Variants in GPC5 observed in about 807,000 individuals in gnomAD.
GPC5 encodes glypican 5.
GPC5 carries 47 observed loss-of-function variants against 53.9 expected under a neutral mutation model. That is an observed-to-expected ratio of 0.87 (90% CI 0.69 to 1.11). The LOEUF (loss-of-function observed/expected upper bound fraction) is 1.11. Among genes scored for constraint, GPC5 ranks in the 50% most tolerant of loss-of-function variants. GPC5 has a pLI of 0.00. For synonymous variants in GPC5, 286 were observed against 263.3 expected, an observed-to-expected ratio of 1.09 and a Z score of -0.84; for missense variants, 748 against 713.1, an observed-to-expected ratio of 1.05 and a Z score of -0.56.
At chr13:91,718,835 C>T (rs1002806877) in intron 3 of GPC5, among the ~76,000 whole-genome samples, 1 of 152,208 alleles carries the variant, frequency 6.6e-6, no homozygotes, top group African/African-American at 2.4e-5. Context: ...TGGCTTATAG[C>T]ATTTCTTTGG....
intron 7 of GPC5, among the ~76,000 whole-genome samples, chr13:92,856,343 C>A (rs1461318559): frequency 4.0e-5 from 6 of 151,848 alleles, no homozygotes; most frequent in Non-Finnish European, 5.9e-5. Flanking sequence ...AAGGAAAATA[C>A]CTGTAAAGAA....
intron 7 of GPC5, among the ~76,000 whole-genome samples, chr13:92,632,666 T>G (rs1348884374): frequency 1.3e-5 from 2 of 151,972 alleles, no homozygotes; most frequent in Non-Finnish European, 2.9e-5. Flanking sequence ...TTAGTTTTGT[T>G]TTTCAAATAT....
intron 7 of GPC5, among the ~76,000 whole-genome samples, chr13:92,481,531 C>G (rs1250086641): frequency 3.3e-5 from 5 of 152,146 alleles, no homozygotes; most frequent in Non-Finnish European, 5.9e-5. Context: ...ATCCGGAAAG[C>G]AAAACCCTTC....
At chr13:92,294,826 C>CTTTTTTTT (rs147963724) in intron 7 of GPC5, among the ~76,000 whole-genome samples, 1 of 98,998 alleles carries the variant, frequency 1.0e-5, no homozygotes. Context: ...TTTTTTTTTT[C>CTTTTTTTT]TTTTTTTTTT....
intron 2 of GPC5, among the ~76,000 whole-genome samples, chr13:91,623,563 T>C (rs4578517): frequency 0.92 from 139,219 of 152,126 alleles, 63,899 homozygotes; most frequent in East Asian, 1. Context: ...ATCTTATTTA[T>C]GGCTAGTAGA....
At position 92,813,067 on chromosome 13, in the gene GPC5, C is replaced by T. The variant is rs190757171; in HGVS notation, c.1562-53215C>T. ...ACTCCTATTTTAAATACCGGCCTTT[C>T]GAAGCTTATTTACATAATGGGAAAA... On this transcript the variant is annotated intron_variant, in intron 7 of 7. Coordinates refer to ENST00000377067, the MANE Select transcript of GPC5 (RefSeq NM_004466.6). Among the ~76,000 whole-genome samples, 106 of 151,932 alleles carry T rather than the reference C, an allele frequency of 7.0e-4. 2 individuals carry two copies. Among genetic ancestry groups the T allele is most frequent in the African/African-American group, 2.0e-3 (84 of 41,338 alleles).
chr13:92,841,250 A>T (rs1014744990), intron 7 of GPC5, among the ~76,000 whole-genome samples: 1 of 152,154 alleles, frequency 6.6e-6, no homozygotes, highest in Non-Finnish European at 1.5e-5. Context: ...CTTATTAAAC[A>T]AGACCCCAGA....
chr13:92,760,690 C>A lies in GPC5; in HGVS notation c.1562-105592C>A, dbSNP rs539298113. 4.6e-5 allele frequency among the ~76,000 whole-genome samples: 7 copies of A among 151,740 alleles called. No individual in the cohort carries two copies. The South Asian group carries it at 1.5e-3, about 32-fold the overall frequency. On this transcript the variant is annotated intron_variant, in intron 7 of 7. Coordinates refer to ENST00000377067, the MANE Select transcript of GPC5 (RefSeq NM_004466.6). The stretch of plus-strand genomic sequence containing the variant: ...TTCGATTTTTATTATTGCCTTCCCT[C>A]TGCTGACTTTGGGTTTAGTTTGATC...
At chr13:91,514,374 T>G (rs1885387422) in intron 2 of GPC5, among the ~76,000 whole-genome samples, 1 of 152,226 alleles carries the variant, frequency 6.6e-6, no homozygotes, top group Non-Finnish European at 1.5e-5. Context: ...GTGTTTAATT[T>G]GCATTTCCCT....
intron 6 of GPC5, among the ~76,000 whole-genome samples, chr13:91,984,544 A>G (rs1442856021): frequency 6.6e-6 from 1 of 152,224 alleles, no homozygotes; most frequent in Non-Finnish European, 1.5e-5. Flanking sequence ...TGTAACATAA[A>G]TATTGAATTT....
intron 5 of GPC5, among the ~76,000 whole-genome samples, chr13:91,774,285 C>T (rs954465769): frequency 6.6e-6 from 1 of 152,160 alleles, no homozygotes; most frequent in Non-Finnish European, 1.5e-5. Flanking sequence ...GCACAAATAA[C>T]TTGACATCTT....
intron 6 of GPC5, among the ~76,000 whole-genome samples, chr13:91,949,980 G>A (rs144407061): frequency 1.1e-3 from 175 of 152,268 alleles, no homozygotes; most frequent in African/African-American, 4.1e-3. Flanking sequence ...ACTAGGAGAA[G>A]AGCCTTTGTT....
chr13:91,614,026 A>G (rs1472310128), intron 2 of GPC5, among the ~76,000 whole-genome samples: 1 of 152,246 alleles, frequency 6.6e-6, no homozygotes, highest in African/African-American at 2.4e-5. Flanking sequence ...GTGGATATCG[A>G]ATACCATATG....
chr13:92,005,386 C>T (rs1024803110), intron 6 of GPC5, among the ~76,000 whole-genome samples: 2 of 152,132 alleles, frequency 1.3e-5, no homozygotes, highest in Non-Finnish European at 2.9e-5. Flanking sequence ...TTTCTCCTCC[C>T]GTTTGGCTAC....
intron 6 of GPC5, among the ~76,000 whole-genome samples, chr13:92,091,934 T>G (rs2041384434): frequency 1.3e-5 from 2 of 152,234 alleles, no homozygotes; most frequent in Admixed American, 1.3e-4. Flanking sequence ...GATTTGCTTT[T>G]TTACTTTCAT....
At chr13:92,556,447 G>A (rs1882496772) in intron 7 of GPC5, among the ~76,000 whole-genome samples, 1 of 151,498 alleles carries the variant, frequency 6.6e-6, no homozygotes, top group African/African-American at 2.4e-5. Context: ...CTTTTTTAAA[G>A]TGTTATTTTG....
chr13:92,076,437 A>G (rs968721507), intron 6 of GPC5, among the ~76,000 whole-genome samples: 5 of 152,154 alleles, frequency 3.3e-5, no homozygotes, highest in Admixed American at 3.3e-4. Context: ...GAATTGTTTT[A>G]AATTTATTTT....
At chr13:92,268,624 A>G (rs1405119402) in intron 7 of GPC5, among the ~76,000 whole-genome samples, 1 of 151,610 alleles carries the variant, frequency 6.6e-6, no homozygotes, top group Non-Finnish European at 1.5e-5. Context: ...TTGTTCATTT[A>G]TCTTTATTCC....
chr13:92,582,384 C>T (rs1269107823), intron 7 of GPC5, among the ~76,000 whole-genome samples: 2 of 151,928 alleles, frequency 1.3e-5, no homozygotes, highest in Non-Finnish European at 2.9e-5. Context: ...TTTGTTTATG[C>T]CTGTACCATA....
Sources: gnomAD v4.1 joint callset for allele counts (sites outside exome capture counted in the v4.1 genomes callset) on GRCh38, gnomAD v4.1.1 for gene constraint, MANE v1.5 for transcripts, NCBI Gene and HGNC (gene_info 2026-07-23, HGNC 2026-07-21) for gene names.